Variants in CDH20 observed in about 807,000 individuals in gnomAD.
The protein encoded by CDH20 is cadherin-20.
In CDH20, 29 loss-of-function variants were observed where a neutral mutation model predicts 74.2. The ratio of observed to expected loss-of-function variants is 0.39; its 90% CI spans 0.29 to 0.53. CDH20 has a LOEUF of 0.53. CDH20 is among the 20% of genes least tolerant of loss of function. The pLI, the probability that CDH20 is intolerant of heterozygous loss-of-function variation, is 0.69. For missense variants in CDH20, 988 were observed against 1,048.3 expected, an observed-to-expected ratio of 0.94 and a Z score of 0.79; for synonymous variants, 469 against 405.4, an observed-to-expected ratio of 1.16 and a Z score of -1.88.
At chr18:61,389,305 A>G (rs1000671049) in intron 1 of CDH20, among the ~76,000 whole-genome samples, 5 of 152,240 alleles carry the variant, frequency 3.3e-5, no homozygotes, top group African/African-American at 4.8e-5. Context: ...TAACTTCCCC[A>G]GCTTTAAGTA....
intron 1 of CDH20, among the ~76,000 whole-genome samples, chr18:61,436,914 A>T (rs1038251041): frequency 2.0e-5 from 3 of 152,176 alleles, no homozygotes; most frequent in African/African-American, 7.2e-5. Context: ...AGGGACACAG[A>T]ATTTCACTTA....
chr18:61,538,614 G>GTTTTTTTTTTTTTT (rs541920246), intron 8 of CDH20, among the ~76,000 whole-genome samples: 2 of 57,550 alleles, frequency 3.5e-5, no homozygotes, highest in Non-Finnish European at 7.0e-5. Context: ...TTTTGTTTTT[G>GTTTTTTTTTTTTTT]TTTTTGTTTT....
chr18:61,465,235 ATATACCCC>A (rs1200289308), intron 1 of CDH20, among the ~76,000 whole-genome samples: 6 of 152,196 alleles, frequency 3.9e-5, no homozygotes, highest in Non-Finnish European at 8.8e-5. Flanking sequence ...CTTTCTACAC[ATATACCCC>A]TACAGCTGCT....
At chr18:61,465,267 A>C (rs2144366355) in intron 1 of CDH20, among the ~76,000 whole-genome samples, 1 of 152,216 alleles carries the variant, frequency 6.6e-6, no homozygotes, top group South Asian at 2.1e-4. Flanking sequence ...AAGAAAACCA[A>C]AAAAAAGCAA....
chr18:61,504,799 C>T (rs1159447), intron 5 of CDH20, among the ~76,000 whole-genome samples: 2 of 152,090 alleles, frequency 1.3e-5, no homozygotes, highest in African/African-American at 2.4e-5. Flanking sequence ...AGCTAACCTT[C>T]CCTTGTATCT....
chr18:61,520,000 G>C (rs1912138733), intron 6 of CDH20, among the ~76,000 whole-genome samples: 1 of 146,734 alleles, frequency 6.8e-6, no homozygotes, highest in African/African-American at 2.6e-5. Context: ...TGATAAAACA[G>C]ACTTTAAACC....
chr18:61,464,693 CTG>C (rs1909906039), intron 1 of CDH20, among the ~76,000 whole-genome samples: 2 of 152,154 alleles, frequency 1.3e-5, no homozygotes, highest in African/African-American at 4.8e-5. Context: ...TGAATGTGGG[CTG>C]TGACTCAAAG....
intron 7 of CDH20, among the ~76,000 whole-genome samples, chr18:61,530,583 T>C (rs893606286): frequency 6.6e-6 from 1 of 152,212 alleles, no homozygotes; most frequent in African/African-American, 2.4e-5. Flanking sequence ...TTAGGACTTT[T>C]ATAATCTCCT....
intron 1 of CDH20, among the ~76,000 whole-genome samples, chr18:61,468,476 T>C (rs1229337589): frequency 1.3e-5 from 2 of 152,144 alleles, no homozygotes; most frequent in Non-Finnish European, 2.9e-5. Flanking sequence ...TAAAGAATAA[T>C]GGTAAATCTT....
chr18:61,358,542 C>G (rs149003375), intron 1 of CDH20, among the ~76,000 whole-genome samples: 1 of 152,182 alleles, frequency 6.6e-6, no homozygotes, highest in African/African-American at 2.4e-5. Flanking sequence ...TGTATTTTGT[C>G]TGCTACATAC....
chr18:61,484,856 A>G (rs142585236), intron 1 of CDH20, among the ~76,000 whole-genome samples: 37 of 151,882 alleles, frequency 2.4e-4, no homozygotes, highest in African/African-American at 8.5e-4. Context: ...CCTTCCCCTT[A>G]CCCACATCCA....
At chr18:61,543,650 CTT>C (rs1294118406) in intron 9 of CDH20, among the ~76,000 whole-genome samples, 2 of 152,166 alleles carry the variant, frequency 1.3e-5, no homozygotes, top group African/African-American at 2.4e-5. Context: ...GCTTCTGACT[CTT>C]GTCTGTTCTG....
intron 1 of CDH20, among the ~76,000 whole-genome samples, chr18:61,446,797 A>G (rs1909218667): frequency 6.6e-6 from 1 of 152,096 alleles, no homozygotes; most frequent in Non-Finnish European, 1.5e-5. Context: ...GTCTCAATTC[A>G]TTTCCATTTA....
At chr18:61,372,627 A>G (rs190434809) in intron 1 of CDH20, among the ~76,000 whole-genome samples, 1 of 152,274 alleles carries the variant, frequency 6.6e-6, no homozygotes, top group East Asian at 1.9e-4. Flanking sequence ...AAAAAAATCA[A>G]AAGAAGAGTA....
At chr18:61,453,691 G>GTGT (rs1909475204) in intron 1 of CDH20, among the ~76,000 whole-genome samples, 1 of 152,160 alleles carries the variant, frequency 6.6e-6, no homozygotes, top group Non-Finnish European at 1.5e-5. Context: ...GTGCCCCAAT[G>GTGT]TGTTTATCCT....
intron 3 of CDH20, 67 bp downstream of exon 3, chr18:61,499,547 T>C (rs1911289262): frequency 1.5e-5 from 14 of 922,040 alleles, no homozygotes; most frequent in Non-Finnish European, 2.3e-5. Flanking sequence ...CACACACATA[T>C]GCACATGCAC....
At chr18:61,402,031 G>C (rs1912171926) in intron 1 of CDH20, among the ~76,000 whole-genome samples, 1 of 152,080 alleles carries the variant, frequency 6.6e-6, no homozygotes, top group Non-Finnish European at 1.5e-5. Context: ...TTGTCTAAGG[G>C]GCAGGCAAGG....
At chr18:61,533,888 A>G (rs577835116) in intron 7 of CDH20, among the ~76,000 whole-genome samples, 2 of 152,280 alleles carry the variant, frequency 1.3e-5, no homozygotes, top group Admixed American at 6.5e-5. Context: ...TCCTTTCCCC[A>G]TTATGTGTTC....
intron 1 of CDH20, among the ~76,000 whole-genome samples, chr18:61,428,479 A>T (rs1016573887): frequency 6.6e-6 from 1 of 152,204 alleles, no homozygotes; most frequent in African/African-American, 2.4e-5. Flanking sequence ...GCACAGCCAC[A>T]GATGGCTGCT....
Sources: allele counts gnomAD v4.1 joint callset (sites outside exome capture counted in the v4.1 genomes callset), GRCh38; gene constraint gnomAD v4.1.1; transcripts MANE v1.5; gene names NCBI Gene and HGNC (gene_info 2026-07-23, HGNC 2026-07-21).